ARMH1: variants seen among roughly 807,000 people sequenced by gnomAD.
The protein encoded by ARMH1 is armadillo like helical domain containing 1.
A neutral mutation model predicts 50.2 loss-of-function variants in ARMH1; 34 were observed. That is an observed-to-expected ratio of 0.68 (90% CI 0.51 to 0.90). The LOEUF (loss-of-function observed/expected upper bound fraction) is 0.90, where lower values mean the gene tolerates loss of function less well. Among genes scored for constraint, ARMH1 ranks in the 40% least tolerant of loss-of-function variants. The probability of loss-of-function intolerance (pLI) is 0.00; values close to 1 mark genes in which losing one functional copy is unlikely to be tolerated. For missense variants in ARMH1, 538 were observed against 553.9 expected (o/e 0.97, Z 0.29); for synonymous variants, 221 against 224.2 (o/e 0.99, Z 0.13).
At chr1:44,699,663 G>C (rs1420042002) in intron 4 of ARMH1, among the ~76,000 whole-genome samples, 1 of 151,900 alleles carries the variant, frequency 6.6e-6, no homozygotes, top group Non-Finnish European at 1.5e-5. Context: ...GTTAGCCATG[G>C]CTGGTCTCAA....
chr1:44,698,178 G>T lies in ARMH1; in HGVS notation c.391G>T (p.Val131Phe). The T allele has an allele frequency of 2.6e-6, 4 of 1,552,264 alleles. No individual in the cohort carries two copies. The highest frequency in any genetic ancestry group is 3.5e-6 in the Non-Finnish European group (4 of 1,147,098). The change falls in exon 4 of 12, where the codon GTT (valine) becomes TTT (phenylalanine). Residue 131 changes from valine to phenylalanine, a missense_variant. By Grantham distance (50) the Val-to-Phe change is conservative. Coordinates refer to ENST00000535358, the MANE Select transcript of ARMH1 (RefSeq NM_001145636.2). ...GAAGGAATCTGTCAAACTACTTCAG[G>T]TTATTGCGAACTCTGGCAGGACATA... is the stretch of plus-strand genomic sequence containing the variant. ...AKKESVKLLQ[V>F]IANSGRTYKE...
Position 44,724,117 on chromosome 1 carries a change from C to A in ARMH1, c.725-5C>A, listed in dbSNP as rs1267122359. On this transcript the variant is annotated splice_polypyrimidine_tract_variant and splice_region_variant and intron_variant, in intron 6 of 11. Transcript: ENST00000535358. The surrounding 1 kb of genome is among the most constrained non-coding windows in gnomAD (Gnocchi z 6.4). ...CCTCTCTCCAGCACCTCTGCCCTTCCGCAGCCATCGAGTTGATCAAAGACC... is the reference window on the plus strand; with the variant it reads ...CCTCTCTCCAGCACCTCTGCCCTTCAGCAGCCATCGAGTTGATCAAAGACC... 1 of 1,551,080 alleles carries A rather than the reference C, an allele frequency of 6.4e-7. No homozygotes were observed. The highest frequency in any genetic ancestry group is 8.7e-7 in the Non-Finnish European group (1 of 1,146,694).
rs1180303472 is a variant in ARMH1 at position 44,724,215 on chromosome 1, T to A, written c.818T>A (p.Ile273Asn). 6.4e-7 allele frequency: 1 copy of A among 1,551,576 alleles called. No individual in the cohort carries two copies. Among genetic ancestry groups the A allele is most frequent in the South Asian group, 1.2e-5 (1 of 84,046 alleles). Residue 273 changes from isoleucine to asparagine, a missense_variant, in exon 7 of 12, where the codon ATC becomes AAC. Coordinates refer to ENST00000535358, the MANE Select transcript of ARMH1 (RefSeq NM_001145636.2). This position sits in a 1 kb window ranked among gnomAD's most constrained non-coding sequence, Gnocchi z 6.4. ...VALLIPSVKE[I>N]SKLQAKILSD... ...CTGCTGATACCGTCGGTCAAGGAGA[T>A]CTCCAAACTGCAGGCCAAGATCCTC...
chr1:44,697,895 C>A (rs1645881008), intron 3 of ARMH1, among the ~76,000 whole-genome samples, 168 bp from the exon 4 acceptor site: 1 of 152,192 alleles, frequency 6.6e-6, no homozygotes. Context: ...TAATTCCAGT[C>A]TTTCCTGCTG....
chr1:44,684,152 C>A (rs776041904), intron 1 of ARMH1, among the ~76,000 whole-genome samples: 1 of 152,198 alleles, frequency 6.6e-6, no homozygotes, highest in Non-Finnish European at 1.5e-5. Context: ...TTTTCCTTAG[C>A]GGTCAACAAG....
intron 4 of ARMH1, 117 bp downstream of exon 4, chr1:44,698,346 G>A: frequency 1.1e-6 from 1 of 896,664 alleles, no homozygotes; most frequent in South Asian, 3.0e-5. Flanking sequence ...GAAGCTTTTT[G>A]TGCTCCTGTC....
chr1:44,698,290 C>A, intron 4 of ARMH1, 61 bp downstream of exon 4: 1 of 1,389,694 alleles, frequency 7.2e-7, no homozygotes, highest in Non-Finnish European at 9.7e-7. Context: ...GGTGGCAGAA[C>A]CCACCACTGC....
chr1:44,680,303 A>C (rs1052696081), intron 1 of ARMH1, among the ~76,000 whole-genome samples: 2 of 152,208 alleles, frequency 1.3e-5, no homozygotes, highest in Non-Finnish European at 2.9e-5. Context: ...CAGCCTCCCG[A>C]GTAGCTGGGA....
rs1027837227 is a variant in ARMH1, at chr1:44,701,052, T to C, written c.572T>C (p.Ile191Thr). 3 of 1,551,674 alleles carry C rather than the reference T, an allele frequency of 1.9e-6. No homozygotes were observed. Among genetic ancestry groups the C allele is most frequent in the Non-Finnish European group, 2.6e-6 (3 of 1,147,024 alleles). The change falls in exon 5 of 12, where the codon ATA (isoleucine) becomes ACA (threonine). Residue 191 changes from isoleucine (I) to threonine (T), a missense_variant. Ile to Thr is a moderately conservative substitution (Grantham distance 89, BLOSUM62 -1). Coordinates refer to ENST00000535358, the MANE Select transcript of ARMH1 (RefSeq NM_001145636.2). ...KYQNQVYKGL[I>T]ALLPCESPKA... ...CAAAATCAAGTGTATAAAGGTCTAA[T>C]AGCTTTGCTGCCCTGCGAGTCCCCA...
At chr1:44,690,889 G>A (rs1376824773) in intron 2 of ARMH1, among the ~76,000 whole-genome samples, 2 of 152,048 alleles carry the variant, frequency 1.3e-5, no homozygotes, top group Non-Finnish European at 2.9e-5. Context: ...ATGTTGGCCA[G>A]GCTGGTCTCA....
chr1:44,719,025 GAAAAAA>G (rs35822364), intron 6 of ARMH1, among the ~76,000 whole-genome samples: 15 of 78,632 alleles, frequency 1.9e-4, no homozygotes, highest in Admixed American at 1.0e-3. Context: ...AACTGTCTCG[GAAAAAA>G]AAAAAAAAAA....
rs1334902911 is a variant in ARMH1 at position 44,689,803 on chromosome 1, A to G, written c.106A>G (p.Ile36Val). The G allele has an allele frequency of 3.2e-6, 5 of 1,551,730 alleles. No homozygotes were observed. The highest frequency in any genetic ancestry group is 2.7e-5 in the African/African-American group (2 of 73,022). The part of the protein sequence containing the change: ...VARSHILDKF[I>V]ETNQGKTAPE... ...AAGGAGTCACATCCTCGACAAGTTC[A>G]TTGAAACCAACCAAGGCAAGACTGC... The change falls in exon 2 of 12, where the codon ATT (isoleucine) becomes GTT (valine). Residue 36 changes from isoleucine (I) to valine (V), a missense_variant. Ile to Val is a conservative substitution (Grantham distance 29, BLOSUM62 3). Transcript: ENST00000535358.
At chr1:44,703,071 C>T (rs540642270) in intron 5 of ARMH1, among the ~76,000 whole-genome samples, 55 of 152,166 alleles carry the variant, frequency 3.6e-4, no homozygotes, top group African/African-American at 1.3e-3. Flanking sequence ...TATGGATGAG[C>T]TTGAGGATGT....
At chr1:44,722,824 C>T (rs1382753447) in intron 6 of ARMH1, among the ~76,000 whole-genome samples, 2 of 150,698 alleles carry the variant, frequency 1.3e-5, no homozygotes, top group African/African-American at 4.9e-5. Context: ...CTTTGGGAGG[C>T]CGAGGCGCGT....
chr1:44,685,237 CAAAG>C (rs950717360), intron 1 of ARMH1, among the ~76,000 whole-genome samples: 2 of 151,818 alleles, frequency 1.3e-5, no homozygotes, highest in Non-Finnish European at 2.9e-5. Flanking sequence ...AAAAAATAGA[CAAAG>C]GCACAGGAAT....
At chr1:44,679,236 A>G (rs1460089379) in intron 1 of ARMH1, among the ~76,000 whole-genome samples, 4 of 152,216 alleles carry the variant, frequency 2.6e-5, no homozygotes, top group Non-Finnish European at 4.4e-5. Context: ...CCACTTACAG[A>G]GAGATCCCAA....
At position 44,683,444 on chromosome 1, in the gene ARMH1, A is replaced by G. The variant is rs529952083; in HGVS notation, c.-22-6232A>G. Among the ~76,000 whole-genome samples the G allele has an allele frequency of 1.3e-5, 2 of 152,354 alleles. No individual in the cohort carries two copies. Among genetic ancestry groups the G allele is most frequent in the East Asian group, 3.9e-4 (2 of 5,186 alleles). ...GGGTGAATGAGGTCACCCAGGGATT[A>G]CAAAGCATGAGAAGAGAACTAAGAA... On this transcript the variant is annotated intron_variant, in intron 1 of 11. Transcript: ENST00000535358. This position sits in a 1 kb window ranked among gnomAD's most constrained non-coding sequence, Gnocchi z 4.2.
At chr1:44,705,327 C>T (rs747007540) in intron 6 of ARMH1, among the ~76,000 whole-genome samples, 2 of 152,006 alleles carry the variant, frequency 1.3e-5, no homozygotes, top group African/African-American at 2.4e-5. Context: ...CCCGTCTCTA[C>T]TAAGAATACA....
intron 10 of ARMH1, 24 bp from the exon 11 acceptor site, chr1:44,725,112 G>C: frequency 6.4e-7 from 1 of 1,551,606 alleles, no homozygotes; most frequent in Non-Finnish European, 8.7e-7. Context: ...ACCCCAGCCG[G>C]GTCCCCCTTG....
Sources: gnomAD v4.1 joint callset for allele counts (sites outside exome capture counted in the v4.1 genomes callset) on GRCh38, gnomAD v4.1.1 for gene constraint, Gnocchi (gnomAD v3.1) non-coding constraint, MANE v1.5 for transcripts, NCBI Gene and HGNC (gene_info 2026-07-23, HGNC 2026-07-21) for gene names.